DMD: variants seen among roughly 807,000 people sequenced by gnomAD.
DMD encodes dystrophin.
A neutral mutation model predicts 330.1 loss-of-function variants in DMD; 63 were observed. That is an observed-to-expected ratio of 0.19 (90% CI 0.16 to 0.24). The LOEUF (loss-of-function observed/expected upper bound fraction) is 0.24. Among genes scored for constraint, DMD ranks in the 10% least tolerant of loss-of-function variants. DMD has a pLI of 1.00. For missense variants in DMD, 3,344 were observed against 2,684.1 expected, an observed-to-expected ratio of 1.25 and a Z score of -5.43; for synonymous variants, 1,223 against 959.8, an observed-to-expected ratio of 1.27 and a Z score of -5.07.
chrX:32,726,632 G>A (rs1328114757), intron 7 of DMD, among the ~76,000 whole-genome samples: 1 of 110,977 alleles, frequency 9.0e-6, no homozygotes, highest in African/African-American at 3.3e-5. Flanking sequence ...CTTTAAGTCT[G>A]AAATTAATAT....
chrX:31,653,545 C>T lies in DMD; in HGVS notation c.8027+4445G>A, dbSNP rs190127151. 4.6e-5 allele frequency among the ~76,000 whole-genome samples: 5 copies of T among 109,782 alleles called. No homozygotes were observed. The East Asian group carries it at 1.2e-3, about 25-fold the overall frequency. ...TGGCTAGTTGGCAGTTGTGGAAGCC[C>T]TCATACAGCTACAAGCAGACAATTC... On this transcript the variant is annotated intron_variant, in intron 54 of 78. Transcript: ENST00000357033.
chrX:31,760,825 TA>T (rs2089520922), intron 51 of DMD, among the ~76,000 whole-genome samples: 1 of 109,864 alleles, frequency 9.1e-6, no homozygotes, highest in Non-Finnish European at 1.9e-5. Flanking sequence ...TAATAACAGG[TA>T]AAAAAAGATT....
chrX:32,517,559 G>A (rs944869760), intron 18 of DMD: 4 of 121,961 alleles, frequency 3.3e-5, no homozygotes, highest in African/African-American at 6.4e-5. Context: ...AGGGATTGAT[G>A]ACTATAAAGA....
chrX:31,519,848 T>A lies in DMD; in HGVS notation c.8218-12395A>T, dbSNP rs143226602. Among the ~76,000 whole-genome samples, 754 of 112,287 alleles carry A rather than the reference T, an allele frequency of 6.7e-3. 5 individuals are homozygous for A. Among genetic ancestry groups the A allele is most frequent in the African/African-American group, 0.023 (709 of 30,902 alleles). On this transcript the variant is annotated intron_variant, in intron 55 of 78. Transcript: ENST00000357033. ...GCTGATATAATTGGATCTGATTCTC[T>A]GGTGATCTTCAGTGAGTTAATTTCT...
At chrX:31,272,216 A>G (rs2051693422) in intron 62 of DMD, among the ~76,000 whole-genome samples, 1 of 112,226 alleles carries the variant, frequency 8.9e-6, no homozygotes, top group Non-Finnish European at 1.9e-5. Context: ...CAAGCCGAAC[A>G]TCTAAAAAGA....
intron 1 of DMD, among the ~76,000 whole-genome samples, chrX:33,145,687 C>A (rs2148604469): frequency 9.2e-6 from 1 of 108,476 alleles, no homozygotes; most frequent in East Asian, 2.9e-4. Flanking sequence ...GTATGCTGAA[C>A]AATTAGTGTT....
intron 7 of DMD, among the ~76,000 whole-genome samples, chrX:32,767,945 C>G (rs768682182): frequency 2.1e-4 from 23 of 111,243 alleles, no homozygotes; most frequent in Non-Finnish European, 3.2e-4. Context: ...TTCATAAAGG[C>G]TTAACTATTG....
rs181809216 is a variant in DMD, at chrX:32,122,980, A to G, written c.6438+93936T>C. ...GTTTTCTAAAACACAAAAAGAAAACAAATGACACCTACATGGAAATTTTAC... is the reference window on the plus strand; with the variant it reads ...GTTTTCTAAAACACAAAAAGAAAACGAATGACACCTACATGGAAATTTTAC... On this transcript the variant is annotated intron_variant, in intron 44 of 78. Coordinates refer to ENST00000357033, the MANE Select transcript of DMD (RefSeq NM_004006.3). Among the ~76,000 whole-genome samples, 9 of 108,601 alleles carry G rather than the reference A, an allele frequency of 8.3e-5. No individual in the cohort carries two copies. The Admixed American group carries it at 9.0e-4, about 11-fold the overall frequency. The allele number at this position is 108,601 out of a possible 115,157, so 94.3% of individuals were successfully genotyped here.
intron 11 of DMD, among the ~76,000 whole-genome samples, chrX:32,621,769 A>G (rs1049304854): frequency 9.0e-6 from 1 of 110,941 alleles, no homozygotes; most frequent in Non-Finnish European, 1.9e-5. Context: ...CCAGCCAAAT[A>G]GAGCCCTGCT....
In DMD at chrX:32,536,875, T is replaced by C. The variant is rs577710864; in HGVS notation, c.2168+8284A>G. 2.7e-5 allele frequency among the ~76,000 whole-genome samples: 3 copies of C among 111,926 alleles called. 1 individual carries two copies. In the South Asian group the frequency reaches 1.1e-3, roughly 42 times the overall value. ...ATTTATGGGCAGGGGAATAATCTAA[T>C]TAAAACTGCATTTTAAGATATCCCT... On this transcript the variant is annotated intron_variant, in intron 17 of 78. Transcript: ENST00000357033.
chrX:32,730,367 G>A (rs895652668), intron 7 of DMD, among the ~76,000 whole-genome samples: 4 of 111,654 alleles, frequency 3.6e-5, no homozygotes, highest in African/African-American at 1.3e-4. Flanking sequence ...AAAATGTAAT[G>A]GTGCCATAAG....
intron 7 of DMD, among the ~76,000 whole-genome samples, chrX:32,733,794 G>A (rs1290738253): frequency 9.5e-5 from 10 of 104,903 alleles, no homozygotes; most frequent in Non-Finnish European, 2.0e-4. Flanking sequence ...AGCACTAAAT[G>A]CCCACAAGAG....
rs538738289 is a variant in DMD, at chrX:31,609,667, G to A, written c.8217+18006C>T. The stretch of plus-strand genomic sequence containing the variant: ...AAGAGTGTGCTTAAAAACCTGCTCA[G>A]AGGGTGAATTTCAAATTGGCGTCTC... On this transcript the variant is annotated intron_variant, in intron 55 of 78. Transcript: ENST00000357033. 4.5e-5 allele frequency among the ~76,000 whole-genome samples: 5 copies of A among 111,988 alleles called. No individual in the cohort carries two copies. In the South Asian group the frequency reaches 1.5e-3, roughly 33 times the overall value.
intron 7 of DMD, among the ~76,000 whole-genome samples, chrX:32,731,520 G>C (rs181249923): frequency 8.9e-6 from 1 of 112,561 alleles, no homozygotes; most frequent in East Asian, 2.8e-4. Flanking sequence ...CTGTCTGACA[G>C]CTTTGAAGAG....
At chrX:32,776,287 C>CA (rs1020113902) in intron 7 of DMD, among the ~76,000 whole-genome samples, 2 of 108,552 alleles carry the variant, frequency 1.8e-5, no homozygotes, top group Non-Finnish European at 3.8e-5. Flanking sequence ...TTCTGACCCC[C>CA]CCCCCAAATT....
intron 55 of DMD, among the ~76,000 whole-genome samples, chrX:31,576,072 C>T (rs1286444665): frequency 1.8e-5 from 2 of 111,797 alleles, no homozygotes; most frequent in African/African-American, 6.5e-5. Flanking sequence ...AAATATAGTA[C>T]AGAGACTTCT....
At chrX:33,221,621 C>A (rs1388305286) in intron 1 of DMD, among the ~76,000 whole-genome samples, 2 of 109,579 alleles carry the variant, frequency 1.8e-5, no homozygotes, top group Non-Finnish European at 3.8e-5. Context: ...TGACAATGTG[C>A]TAAAAGTGAC....
intron 1 of DMD, among the ~76,000 whole-genome samples, chrX:33,242,903 A>T (rs1308863130): frequency 9.0e-6 from 1 of 111,601 alleles, no homozygotes; most frequent in Non-Finnish European, 1.9e-5. Flanking sequence ...TTCTTTAGGG[A>T]ATTGTCTATT....
At chrX:31,926,612 G>C (rs1166776837) in intron 47 of DMD, among the ~76,000 whole-genome samples, 1 of 110,457 alleles carries the variant, frequency 9.1e-6, no homozygotes, top group Non-Finnish European at 1.9e-5. Flanking sequence ...GGAGGTGGAG[G>C]TTGCAGTGAG....
Sources: gnomAD v4.1 joint callset for allele counts (sites outside exome capture counted in the v4.1 genomes callset) on GRCh38, gnomAD v4.1.1 for gene constraint, MANE v1.5 for transcripts, NCBI Gene and HGNC (gene_info 2026-07-23, HGNC 2026-07-21) for gene names.